Variants in ZCCHC14 observed in about 807,000 individuals in gnomAD.
ZCCHC14 encodes zinc finger CCHC-type containing 14.
A neutral mutation model predicts 85.0 loss-of-function variants in ZCCHC14; 16 were observed. That is an observed-to-expected ratio of 0.19 (90% confidence interval 0.13 to 0.29). The LOEUF is 0.29. Ranked by LOEUF, ZCCHC14 falls within the 10% of genes least tolerant of loss-of-function variation. ZCCHC14 has a pLI of 1.00. For synonymous variants in ZCCHC14, 775 were observed against 630.7 expected (o/e 1.23, Z -3.43); for missense variants, 1,303 against 1,443.5 (o/e 0.90, Z 1.58).
intron 2 of ZCCHC14, among the ~76,000 whole-genome samples, chr16:87,450,052 A>G (rs552205331): frequency 6.6e-6 from 1 of 152,310 alleles, no homozygotes; most frequent in South Asian, 2.1e-4. Flanking sequence ...GTCTCAAAAA[A>G]CAAAGAGAAA....
intron 1 of ZCCHC14, among the ~76,000 whole-genome samples, chr16:87,476,678 C>G (rs944587317): frequency 1.4e-5 from 2 of 137,958 alleles, no homozygotes; most frequent in Non-Finnish European, 3.0e-5. Context: ...AATGGCAAAA[C>G]TAATCAATGG....
At chr16:87,416,232 G>A (rs967208080) in intron 8 of ZCCHC14, among the ~76,000 whole-genome samples, 3 of 151,882 alleles carry the variant, frequency 2.0e-5, no homozygotes, top group African/African-American at 7.3e-5. Flanking sequence ...GGCCAGGGAT[G>A]ACAGCAACTT....
At chr16:87,462,181 T>C (rs746893033) in intron 1 of ZCCHC14, among the ~76,000 whole-genome samples, 3 of 151,334 alleles carry the variant, frequency 2.0e-5, no homozygotes, top group African/African-American at 7.3e-5. Flanking sequence ...ATTCTTTGGA[T>C]AACTTAATAA....
intron 8 of ZCCHC14, among the ~76,000 whole-genome samples, chr16:87,417,249 A>T (rs555976991): frequency 3.3e-5 from 5 of 152,152 alleles, no homozygotes; most frequent in African/African-American, 1.2e-4. Context: ...AAGCCCCTAG[A>T]CAAGCTGTTT....
At position 87,459,982 on chromosome 16, in the gene ZCCHC14, C is replaced by G. The variant is rs1360915166; in HGVS notation, c.694+26G>C. On this transcript the variant is annotated intron_variant, in intron 2 of 12. Transcript: ENST00000671377. ...GCCCATCCTCCGTCCGTCAGACGTC[C>G]TCCTGAAACCCGTGCGTGCACTCAC... The G allele has an allele frequency of 3.7e-6, 6 of 1,613,732 alleles. No homozygotes were observed. In the African/African-American group the frequency reaches 5.3e-5, roughly 14 times the overall value.
At chr16:87,489,584 C>T (rs1365087734) in intron 1 of ZCCHC14, among the ~76,000 whole-genome samples, 1 of 152,160 alleles carries the variant, frequency 6.6e-6, no homozygotes, top group Non-Finnish European at 1.5e-5. Flanking sequence ...GGTTACATCC[C>T]CTCCACTGCA....
intron 2 of ZCCHC14, among the ~76,000 whole-genome samples, chr16:87,449,378 G>C (rs923538408): frequency 6.6e-6 from 1 of 152,132 alleles, no homozygotes; most frequent in African/African-American, 2.4e-5. Context: ...AGGGTGAGGG[G>C]CACAGCACAG....
At chr16:87,447,054 C>G (rs974427587) in intron 2 of ZCCHC14, among the ~76,000 whole-genome samples, 3 of 152,148 alleles carry the variant, frequency 2.0e-5, no homozygotes, top group African/African-American at 7.2e-5. Flanking sequence ...TTTTCACATT[C>G]AAAATACATA....
intron 1 of ZCCHC14, chr16:87,474,052 GAA>G (rs904591384): frequency 6.6e-6 from 1 of 152,258 alleles, no homozygotes; most frequent in African/African-American, 2.4e-5. Flanking sequence ...ATTGATCACA[GAA>G]GACATTTAGG....
intron 2 of ZCCHC14, among the ~76,000 whole-genome samples, chr16:87,455,398 T>C (rs1910908991): frequency 6.6e-6 from 1 of 152,136 alleles, no homozygotes; most frequent in Non-Finnish European, 1.5e-5. Context: ...GAGGCTTCTG[T>C]GTCACATGGA....
chr16:87,485,099 G>A (rs1311022334), intron 1 of ZCCHC14, among the ~76,000 whole-genome samples: 2 of 152,244 alleles, frequency 1.3e-5, no homozygotes, highest in African/African-American at 4.8e-5. Context: ...GCTGCGTAGT[G>A]AATGGCGGGC....
intron 1 of ZCCHC14, among the ~76,000 whole-genome samples, chr16:87,477,151 A>AAAAAAAC (rs1912054945): frequency 7.0e-6 from 1 of 142,184 alleles, no homozygotes; most frequent in African/African-American, 2.9e-5. Flanking sequence ...ACAAAACAAA[A>AAAAAAAC]CCAAAAAAAA....
rs753389588 is a variant in ZCCHC14 at position 87,420,583 on chromosome 16, C to G, written c.950+24G>C. The G allele has an allele frequency of 1.3e-6, 2 of 1,594,536 alleles. No individual in the cohort carries two copies. The highest frequency in any genetic ancestry group is 3.4e-5 in the Admixed American group (2 of 58,586). ...CCTGTCCTTGCCAGCTGTGGACGCG[C>G]CGGGTGCCTGGTAAGGGCCTCACCT... On this transcript the variant is annotated intron_variant, in intron 5 of 12. Coordinates refer to ENST00000671377, the MANE Select transcript of ZCCHC14 (RefSeq NM_015144.3). This position sits in a 1 kb window ranked among gnomAD's most constrained non-coding sequence, Gnocchi z 5.0.
intron 9 of ZCCHC14, among the ~76,000 whole-genome samples, 198 bp downstream of exon 9, chr16:87,415,078 C>T (rs530732000): frequency 6.8e-4 from 103 of 151,472 alleles, no homozygotes; most frequent in African/African-American, 2.4e-3. Context: ...AGCGAGACTC[C>T]GTCTCAAAAA....
Position 87,414,158 on chromosome 16 carries a change from G to T in ZCCHC14, c.1603+256C>A, listed in dbSNP as rs35809943. ...CGAGTAACCCACCTGCCCGGCACAC[G>T]GGCCCTCTCTGTGTACGAGTAACCC... On this transcript the variant is annotated intron_variant, in intron 10 of 12. Transcript: ENST00000671377. Among the ~76,000 whole-genome samples, 5 of 119,334 alleles carry T rather than the reference G, an allele frequency of 4.2e-5. No homozygotes were observed. In the Admixed American group the frequency reaches 4.7e-4, roughly 11 times the overall value. 78.3% of individuals were successfully genotyped at this position (119,334 alleles called of 152,430 possible).
intron 1 of ZCCHC14, among the ~76,000 whole-genome samples, chr16:87,484,694 A>AGTGGTGAAGCGACTAAGAGAAGAGGG (rs1291678735): frequency 6.6e-6 from 1 of 152,190 alleles, no homozygotes; most frequent in Non-Finnish European, 1.5e-5. Context: ...GGGAGGCCTC[A>AGTGGTGAAGCGACTAAGAGAAGAGGG]GTGGTGAAGC....
intron 4 of ZCCHC14, among the ~76,000 whole-genome samples, chr16:87,421,844 C>A (rs896826537): frequency 6.6e-6 from 1 of 152,132 alleles, no homozygotes; most frequent in Non-Finnish European, 1.5e-5. Context: ...GAGGTGTTGA[C>A]CCTTTCCAGG....
chr16:87,450,498 T>C (rs1470822197), intron 2 of ZCCHC14, among the ~76,000 whole-genome samples: 2 of 152,236 alleles, frequency 1.3e-5, no homozygotes, highest in African/African-American at 2.4e-5. Context: ...ATTAATTTCA[T>C]TTGTTAGTTC....
chr16:87,455,842 A>G (rs1336891089), intron 2 of ZCCHC14, among the ~76,000 whole-genome samples: 1 of 152,250 alleles, frequency 6.6e-6, no homozygotes, highest in African/African-American at 2.4e-5. Context: ...TACATGAGTC[A>G]AAACTTCACT....
Sources: gnomAD v4.1 joint callset for allele counts (sites outside exome capture counted in the v4.1 genomes callset) on GRCh38, gnomAD v4.1.1 for gene constraint, Gnocchi (gnomAD v3.1) non-coding constraint, MANE v1.5 for transcripts, NCBI Gene and HGNC (gene_info 2026-07-23, HGNC 2026-07-21) for gene names.